Variants in CHSY3 observed in about 807,000 individuals in gnomAD.
CHSY3 encodes N-acetylgalactosaminyl-proteoglycan 3-beta-glucuronosyltransferase 3.
CHSY3 carries 35 observed loss-of-function variants against 67.2 expected under a neutral mutation model. That is an observed-to-expected ratio of 0.52 (90% CI 0.40 to 0.69). The LOEUF (loss-of-function observed/expected upper bound fraction) is 0.69, where lower values mean the gene tolerates loss of function less well. Ranked by LOEUF, CHSY3 falls within the 30% of genes least tolerant of loss-of-function variation. The pLI, the probability that CHSY3 is intolerant of heterozygous loss-of-function variation, is 0.00. For synonymous variants in CHSY3, 474 were observed against 434.7 expected (o/e 1.09, Z -1.12); for missense variants, 1,069 against 1,138.5 (o/e 0.94, Z 0.88).
chr5:129,924,984 G>C (rs1373248918), intron 2 of CHSY3, among the ~76,000 whole-genome samples: 1 of 152,156 alleles, frequency 6.6e-6, no homozygotes, highest in East Asian at 1.9e-4. Flanking sequence ...ACTTTGCTGA[G>C]TGGTGGGATA....
chr5:129,947,097 G>A (rs1761877961), intron 2 of CHSY3, among the ~76,000 whole-genome samples: 1 of 152,152 alleles, frequency 6.6e-6, no homozygotes. Context: ...CATGGCTGGG[G>A]AGGCCTCAGG....
chr5:130,088,650 T>C (rs1233522097), intron 2 of CHSY3, among the ~76,000 whole-genome samples: 1 of 151,918 alleles, frequency 6.6e-6, no homozygotes, highest in Non-Finnish European at 1.5e-5. Context: ...ATCAAAGAAA[T>C]GCAAATCAAA....
intron 2 of CHSY3, among the ~76,000 whole-genome samples, chr5:130,155,736 T>C (rs1769360172): frequency 6.6e-6 from 1 of 152,146 alleles, no homozygotes; most frequent in Non-Finnish European, 1.5e-5. Flanking sequence ...GACGAGTCGG[T>C]AAAGAGTCAT....
chr5:130,065,199 T>A lies in CHSY3; in HGVS notation c.1087-119030T>A, dbSNP rs558314971. Among the ~76,000 whole-genome samples the A allele has an allele frequency of 1.7e-4, 26 of 152,268 alleles. No individual in the cohort carries two copies. The East Asian group carries it at 5.0e-3, about 29-fold the overall frequency. On this transcript the variant is annotated intron_variant, in intron 2 of 2. Coordinates refer to ENST00000305031, the MANE Select transcript of CHSY3 (RefSeq NM_175856.5). ...TGCCTGTAAAATATGAACTTAGTGT[T>A]CATTATTTTGAAAGAATAAATCCAC... is the stretch of plus-strand genomic sequence containing the variant.
At chr5:130,089,857 G>T (rs1295348608) in intron 2 of CHSY3, among the ~76,000 whole-genome samples, 4 of 152,190 alleles carry the variant, frequency 2.6e-5, no homozygotes, top group Non-Finnish European at 4.4e-5. Context: ...GGAAATGGAA[G>T]CTTATTACTG....
At chr5:130,138,192 A>G (rs1768729387) in intron 2 of CHSY3, among the ~76,000 whole-genome samples, 1 of 152,198 alleles carries the variant, frequency 6.6e-6, no homozygotes, top group African/African-American at 2.4e-5. Context: ...CTTGGGCAGA[A>G]GTGTGGAGCA....
chr5:130,134,840 C>CCCT, intron 2 of CHSY3, among the ~76,000 whole-genome samples: 1 of 139,000 alleles, frequency 7.2e-6, no homozygotes, highest in Admixed American at 7.5e-5. Flanking sequence ...CGTTTTACTT[C>CCCT]CCACCCCCCC....
In CHSY3 at chr5:130,143,748, A is replaced by G. The variant is rs944576620; in HGVS notation, c.1087-40481A>G. Among the ~76,000 whole-genome samples the G allele has an allele frequency of 5.8e-5, 7 of 120,382 alleles. 1 individual carries two copies. Among genetic ancestry groups the G allele is most frequent in the African/African-American group, 2.6e-4 (7 of 26,708 alleles). 79.0% of individuals were successfully genotyped at this position (120,382 alleles called of 152,430 possible). A position where few individuals can be genotyped will look rare whatever the true frequency, so the allele number is the denominator to read the frequency against. On this transcript the variant is annotated intron_variant, in intron 2 of 2. Coordinates refer to ENST00000305031, the MANE Select transcript of CHSY3 (RefSeq NM_175856.5). Reference sequence around the variant, plus strand: ...TGTGTGTGTGTGTATATATATATATATATATATATGTGTGTGTGTGTATAT... The same window carrying G: ...TGTGTGTGTGTGTATATATATATATGTATATATATGTGTGTGTGTGTATAT...
intron 2 of CHSY3, among the ~76,000 whole-genome samples, chr5:130,073,228 A>G (rs1354877697): frequency 6.6e-6 from 1 of 152,148 alleles, no homozygotes; most frequent in Non-Finnish European, 1.5e-5. Flanking sequence ...TACAATGTAT[A>G]CATAGATCAA....
intron 2 of CHSY3, among the ~76,000 whole-genome samples, chr5:130,116,219 C>A (rs1489495869): frequency 6.6e-6 from 1 of 152,144 alleles, no homozygotes; most frequent in East Asian, 1.9e-4. Flanking sequence ...CATTTATACT[C>A]CCACAGCCTT....
chr5:130,061,282 G>C (rs1039548260), intron 2 of CHSY3, among the ~76,000 whole-genome samples: 1 of 152,078 alleles, frequency 6.6e-6, no homozygotes, highest in Non-Finnish European at 1.5e-5. Flanking sequence ...ATTGACCTTT[G>C]ACAAAGTTGA....
chr5:129,940,629 C>G (rs1431326116), intron 2 of CHSY3, among the ~76,000 whole-genome samples: 1 of 151,836 alleles, frequency 6.6e-6, no homozygotes, highest in Non-Finnish European at 1.5e-5. Context: ...TAAAATTTCA[C>G]TATTATAAAA....
chr5:130,165,797 T>A (rs1769729936), intron 2 of CHSY3, among the ~76,000 whole-genome samples: 1 of 152,104 alleles, frequency 6.6e-6, no homozygotes, highest in African/African-American at 2.4e-5. Context: ...TTTTTCCTTA[T>A]AAATGGCTAA....
At chr5:129,940,353 G>C (rs546531039) in intron 2 of CHSY3, among the ~76,000 whole-genome samples, 2 of 152,170 alleles carry the variant, frequency 1.3e-5, no homozygotes, top group South Asian at 2.1e-4. Context: ...TCATTCTCAG[G>C]ATTTGTAGTG....
At chr5:130,080,999 T>G (rs1272267502) in intron 2 of CHSY3, among the ~76,000 whole-genome samples, 1 of 152,008 alleles carries the variant, frequency 6.6e-6, no homozygotes, top group East Asian at 1.9e-4. Flanking sequence ...TGGGAAAATG[T>G]GGATGATTTT....
intron 2 of CHSY3, among the ~76,000 whole-genome samples, chr5:130,020,461 A>ATATATATATT (rs1371121130): frequency 2.0e-3 from 156 of 79,554 alleles, no homozygotes; most frequent in Non-Finnish European, 3.0e-3. Flanking sequence ...ATATATATAT[A>ATATATATATT]TTTTTTTTTT....
intron 2 of CHSY3, among the ~76,000 whole-genome samples, chr5:130,079,972 T>G (rs1396933099): frequency 6.6e-6 from 1 of 151,774 alleles, no homozygotes; most frequent in Non-Finnish European, 1.5e-5. Flanking sequence ...GTTTGTTTTC[T>G]GCAAAGCTCA....
chr5:130,117,357 T>G (rs1769093941), intron 2 of CHSY3, among the ~76,000 whole-genome samples: 1 of 152,234 alleles, frequency 6.6e-6, no homozygotes, highest in Admixed American at 6.5e-5. Flanking sequence ...TCCAGACCAT[T>G]TAGTTTATAG....
intron 2 of CHSY3, among the ~76,000 whole-genome samples, chr5:129,922,751 G>A (rs925488850): frequency 1.3e-5 from 2 of 152,090 alleles, no homozygotes; most frequent in South Asian, 4.1e-4. Flanking sequence ...TACTAGATAT[G>A]TGGTTTACAA....
Sources: allele counts gnomAD v4.1 joint callset (sites outside exome capture counted in the v4.1 genomes callset), GRCh38; gene constraint gnomAD v4.1.1; transcripts MANE v1.5; gene names NCBI Gene and HGNC (gene_info 2026-07-23, HGNC 2026-07-21).